The following DOCK10 variants were observed in gnomAD, a reference collection of about 807,000 sequenced individuals.
The protein encoded by DOCK10 is dedicator of cytokinesis protein 10.
Under a neutral mutation model 280.1 loss-of-function variants are expected in DOCK10, and 145 were observed. The ratio of observed to expected loss-of-function variants is 0.52; its 90% CI spans 0.45 to 0.59. The LOEUF is 0.59. Ranked by LOEUF, DOCK10 falls within the 20% of genes least tolerant of loss-of-function variation. The pLI, the probability that DOCK10 is intolerant of heterozygous loss-of-function variation, is 0.00. For synonymous variants in DOCK10, 915 were observed against 942.2 expected, an observed-to-expected ratio of 0.97 and a Z score of 0.53; for missense variants, 2,368 against 2,651.7, an observed-to-expected ratio of 0.89 and a Z score of 2.35.
At chr2:224,993,269 C>A (rs940171372) in intron 1 of DOCK10, among the ~76,000 whole-genome samples, 1 of 148,630 alleles carries the variant, frequency 6.7e-6, no homozygotes, top group Admixed American at 6.7e-5. Flanking sequence ...GGCTTTTTGG[C>A]AAATGATCTT....
chr2:224,949,055 G>A (rs1259360217), intron 1 of DOCK10, among the ~76,000 whole-genome samples: 4 of 152,144 alleles, frequency 2.6e-5, no homozygotes, highest in East Asian at 1.9e-4. Context: ...GGCATCACCC[G>A]GCAGCATATG....
chr2:224,781,156 T>C (rs542367011), intron 50 of DOCK10, among the ~76,000 whole-genome samples: 1 of 152,338 alleles, frequency 6.6e-6, no homozygotes, highest in South Asian at 2.1e-4. Flanking sequence ...CTGGCTTTTA[T>C]GCAGCTTAAC....
intron 1 of DOCK10, among the ~76,000 whole-genome samples, chr2:224,945,966 C>T (rs942124023): frequency 2.0e-5 from 3 of 152,114 alleles, no homozygotes; most frequent in South Asian, 2.1e-4. Context: ...ATGACAATAG[C>T]GCTGAGGTTG....
intron 53 of DOCK10, 130 bp downstream of exon 53, chr2:224,773,027 C>A: frequency 1.3e-6 from 1 of 790,142 alleles, no homozygotes; most frequent in South Asian, 2.6e-5. Context: ...TTTAAAGACC[C>A]AGATAAAGGT....
At chr2:225,038,483 G>A (rs1044184269) in intron 1 of DOCK10, among the ~76,000 whole-genome samples, 3 of 152,210 alleles carry the variant, frequency 2.0e-5, no homozygotes, top group African/African-American at 7.2e-5. Flanking sequence ...TTGGAGGTCT[G>A]AAGAGTTAGG....
Position 224,852,382 on chromosome 2 carries a change from G to T in DOCK10, c.2137C>A (p.Leu713Met). ...KNSDEESAKP[L>M]KCIYGKPGGP... ...CCTTTGCTGACTTGGCTCACCTTCA[G>T]GGGCTTGGCACTTTCTTCATCTGAA... The change falls in exon 18 of 56, where the codon CTG becomes ATG. Residue 713 changes from leucine to methionine, a missense_variant. Physicochemically the swap from Leu to Met is conservative, Grantham distance 15. Around this residue, in one of 2 missense-constraint regions of DOCK10, gnomAD observed 1,209 missense variants for 1,250.9 expected, o/e 0.97. Coordinates refer to ENST00000258390, the MANE Select transcript of DOCK10 (RefSeq NM_014689.3). 6.4e-7 allele frequency: 1 copy of T among 1,571,276 alleles called. No individual in the cohort carries two copies. Among genetic ancestry groups the T allele is most frequent in the Non-Finnish European group, 8.6e-7 (1 of 1,157,114 alleles).
At chr2:225,018,505 A>AAGG (rs1559965699) in intron 1 of DOCK10, among the ~76,000 whole-genome samples, 1 of 124,392 alleles carries the variant, frequency 8.0e-6, no homozygotes, top group African/African-American at 3.4e-5. Context: ...TATAATATAT[A>AAGG]TGTAATATTA....
At chr2:224,809,009 A>G (rs1693592754) in intron 31 of DOCK10, among the ~76,000 whole-genome samples, 2 of 152,244 alleles carry the variant, frequency 1.3e-5, no homozygotes, top group Admixed American at 1.3e-4. Flanking sequence ...GAGAAATGGC[A>G]CTGCCAAATT....
Position 224,789,112 on chromosome 2 carries a change from T to C in DOCK10, c.5370A>G (p.Glu1790=). Residue 1790 remains glutamate, a synonymous_variant, in exon 48 of 56, where the codon GAA becomes GAG. Transcript: ENST00000258390. ...FLSITPNIKE[E]GAMKEDSGMQ... is the part of the protein sequence containing the mutation. ...TTCCAGAATCCTCTTTCATCGCTCC[T>C]TCTTCCTTAATGTTTGGTGTAATGC... 1 of 1,613,828 alleles carries C rather than the reference T, an allele frequency of 6.2e-7. No individual in the cohort carries two copies. Among genetic ancestry groups the C allele is most frequent in the South Asian group, 1.1e-5 (1 of 91,006 alleles).
At chr2:224,908,573 T>A (rs183965724) in intron 3 of DOCK10, among the ~76,000 whole-genome samples, 1 of 152,146 alleles carries the variant, frequency 6.6e-6, no homozygotes, top group African/African-American at 2.4e-5. Flanking sequence ...GGCTCAGTCA[T>A]GCAGTCTCAA....
At position 225,038,870 on chromosome 2, in the gene DOCK10, C is replaced by A. The variant is rs140078396; in HGVS notation, c.123+3382G>T. Among the ~76,000 whole-genome samples the A allele has an allele frequency of 3.9e-3, 586 of 151,088 alleles. 3 individuals are homozygous for A. The highest frequency in any genetic ancestry group is 0.014 in the African/African-American group (567 of 41,076). On this transcript the variant is annotated intron_variant, in intron 1 of 55. Transcript: ENST00000258390. ...ATCTCATCCTTCTGGTTATCTGAAG[C>A]CTTCCATTGCACTAACCCACCTAAA...
chr2:224,840,513 T>C (rs1413973692), intron 23 of DOCK10, among the ~76,000 whole-genome samples: 1 of 152,186 alleles, frequency 6.6e-6, no homozygotes, highest in Non-Finnish European at 1.5e-5. Context: ...TAAAAAATGT[T>C]CAACGTCATT....
chr2:224,804,203 C>A lies in DOCK10; in HGVS notation c.4177G>T (p.Ala1393Ser). ...GKRNIIRKIAAAFKFVQSTQN... is the reference protein window; with the variant it reads ...GKRNIIRKIASAFKFVQSTQN... ...GTGGACTGCACAAATTTAAATGCAGCAGCAATTTTTCTGCAATGAAAATGG... is the reference window on the plus strand; with the variant it reads ...GTGGACTGCACAAATTTAAATGCAGAAGCAATTTTTCTGCAATGAAAATGG... The change falls in exon 39 of 56, where the codon GCT becomes TCT. Residue 1393 changes from alanine (A) to serine (S), a missense_variant. Physicochemically the swap from Ala to Ser is moderately conservative, Grantham distance 99 (BLOSUM62 1). This residue lies in a region of DOCK10 where 1,159 missense variants were observed against 1,400.8 expected (regional missense o/e 0.83). Coordinates refer to ENST00000258390, the MANE Select transcript of DOCK10 (RefSeq NM_014689.3). The A allele has an allele frequency of 1.2e-5, 19 of 1,607,844 alleles. No homozygotes were observed. The highest frequency in any genetic ancestry group is 1.6e-5 in the Non-Finnish European group (19 of 1,176,318).
At chr2:224,878,795 T>C (rs1698794672) in intron 7 of DOCK10, among the ~76,000 whole-genome samples, 2 of 152,230 alleles carry the variant, frequency 1.3e-5, no homozygotes, top group South Asian at 4.1e-4. Context: ...TTCTTTGCCT[T>C]ATAATGGCAG....
In DOCK10 at chr2:224,787,521, C is replaced by T. The variant is rs547201555; in HGVS notation, c.5419-124G>A. 5.8e-6 allele frequency: 7 copies of T among 1,216,826 alleles called. No individual in the cohort carries two copies. The African/African-American group carries it at 7.6e-5, about 13-fold the overall frequency. 75.4% of individuals were successfully genotyped at this position (1,216,826 alleles called of 1,614,324 possible). On this transcript the variant is annotated intron_variant, in intron 48 of 55. Coordinates refer to ENST00000258390, the MANE Select transcript of DOCK10 (RefSeq NM_014689.3). ...TCTGTTACTGGCATTTAAAACCCAG[C>T]AGGGGATCGTGGTGTCATCTTGGAT...
At chr2:224,778,922 A>C (rs75755713) in intron 50 of DOCK10, among the ~76,000 whole-genome samples, 21 of 152,184 alleles carry the variant, frequency 1.4e-4, no homozygotes, top group Admixed American at 2.6e-4. Flanking sequence ...TTAATCATGC[A>C]ATTCACCTTA....
chr2:224,997,480 C>T (rs1305112065), intron 1 of DOCK10, among the ~76,000 whole-genome samples: 3 of 152,244 alleles, frequency 2.0e-5, no homozygotes. Context: ...GATCCGCCCA[C>T]CTCAGCCTCT....
chr2:224,985,516 AG>A (rs1281936989), intron 1 of DOCK10, among the ~76,000 whole-genome samples: 1 of 152,044 alleles, frequency 6.6e-6, no homozygotes, highest in Non-Finnish European at 1.5e-5. Context: ...TAATGCTCAT[AG>A]GAAATGGAAG....
In DOCK10 at chr2:224,770,631, T is replaced by C; in HGVS notation, c.6219A>G (p.Pro2073=). The change falls in exon 54 of 56, where the codon CCA becomes CCG. Residue 2073 remains proline, a synonymous_variant. Transcript: ENST00000258390. This position sits in a 1 kb window ranked among gnomAD's most constrained non-coding sequence, Gnocchi z 4.5. ...CAAGAAAAGCTCGTGCATAGGCCAT[T>C]GGCCCAGCATTAACCTGTTGAGAAG... ...GSVSVKVNAG[P]MAYARAFLEE... 2 of 1,613,548 alleles carry C rather than the reference T, an allele frequency of 1.2e-6. No homozygotes were observed. Among genetic ancestry groups the C allele is most frequent in the Non-Finnish European group, 1.7e-6 (2 of 1,179,466 alleles).
Sources: gnomAD v4.1 joint callset for allele counts (sites outside exome capture counted in the v4.1 genomes callset) on GRCh38, gnomAD v4.1.1 for gene constraint, gnomAD v4.1.1 regional missense constraint, Gnocchi (gnomAD v3.1) non-coding constraint, MANE v1.5 for transcripts, NCBI Gene and HGNC (gene_info 2026-07-23, HGNC 2026-07-21) for gene names.